GK5: variants seen among roughly 807,000 people sequenced by gnomAD.
GK5 encodes ATP:glycerol 3-phosphotransferase 5.
Under a neutral mutation model 77.3 loss-of-function variants are expected in GK5, and 39 were observed. That is an observed-to-expected ratio of 0.50 (90% confidence interval 0.39 to 0.66). The LOEUF (loss-of-function observed/expected upper bound fraction) is 0.66. Ranked by LOEUF, GK5 falls within the 30% of genes least tolerant of loss-of-function variation. The pLI is 0.00. For synonymous variants in GK5, 211 were observed against 208.0 expected, an observed-to-expected ratio of 1.01 and a Z score of -0.13; for missense variants, 487 against 633.8, an observed-to-expected ratio of 0.77 and a Z score of 2.49.
intron 11 of GK5, among the ~76,000 whole-genome samples, chr3:142,180,088 G>A (rs561021269): frequency 3.9e-5 from 6 of 152,120 alleles, no homozygotes; most frequent in South Asian, 4.2e-4. Context: ...CTATGGTAGC[G>A]GCAATGGCAG....
At position 142,185,056 on chromosome 3, in the gene GK5, G is replaced by T. The variant is rs1300405185; in HGVS notation, c.816+873C>A. On this transcript the variant is annotated intron_variant, in intron 9 of 15. Coordinates refer to ENST00000392993, the MANE Select transcript of GK5 (RefSeq NM_001039547.3). ...GTGGAGACTGCACATCTTGCAACAG[G>T]TGGTCTCTACCTCCTGCTTAAGCTG... is the stretch of plus-strand genomic sequence containing the variant. 20 of 985,226 alleles carry T rather than the reference G, an allele frequency of 2.0e-5. No individual in the cohort carries two copies. The African/African-American group carries it at 3.0e-4, about 15-fold the overall frequency. 61.0% of individuals were successfully genotyped at this position (985,226 alleles called of 1,614,324 possible).
chr3:142,203,838 A>G (rs1162929632), intron 4 of GK5, among the ~76,000 whole-genome samples: 2 of 152,186 alleles, frequency 1.3e-5, no homozygotes, highest in Non-Finnish European at 2.9e-5. Context: ...AAAATACTGT[A>G]GGTCTGACAC....
chr3:142,187,811 A>C (rs1304470926), intron 5 of GK5, 32 bp from the exon 6 acceptor site: 1 of 1,536,860 alleles, frequency 6.5e-7, no homozygotes, highest in African/African-American at 1.4e-5. Flanking sequence ...AATCGATTCA[A>C]AAAGGCTAAA....
intron 4 of GK5, 75 bp from the exon 5 acceptor site, chr3:142,199,008 T>C: frequency 9.3e-7 from 1 of 1,075,898 alleles, no homozygotes; most frequent in Non-Finnish European, 1.3e-6. Context: ...TCTATATACA[T>C]GCAAACAAAC....
chr3:142,177,857 CTTTTTTT>C (rs370889965), intron 11 of GK5, among the ~76,000 whole-genome samples: 3 of 128,204 alleles, frequency 2.3e-5, no homozygotes, highest in South Asian at 2.6e-4. Flanking sequence ...CGTTTTTTTT[CTTTTTTT>C]TTTTTTTTTT....
intron 3 of GK5, among the ~76,000 whole-genome samples, 185 bp from the exon 4 acceptor site, chr3:142,204,973 G>GC (rs2064083217): frequency 6.6e-6 from 1 of 152,136 alleles, no homozygotes; most frequent in African/African-American, 2.4e-5. Flanking sequence ...ACAATTATGT[G>GC]ACATATAGTA....
intron 12 of GK5, among the ~76,000 whole-genome samples, chr3:142,174,676 T>C (rs997924479): frequency 3.3e-5 from 5 of 152,190 alleles, no homozygotes; most frequent in African/African-American, 9.7e-5. Context: ...AGGAAACTGC[T>C]TGAATCCACA....
At chr3:142,209,471 C>CAT (rs2064162025) in intron 3 of GK5, among the ~76,000 whole-genome samples, 1 of 152,118 alleles carries the variant, frequency 6.6e-6, no homozygotes, top group Non-Finnish European at 1.5e-5. Flanking sequence ...CAAGTAATAG[C>CAT]ATACATTCCA....
intron 5 of GK5, among the ~76,000 whole-genome samples, chr3:142,195,858 G>T (rs1309375910): frequency 6.6e-6 from 1 of 152,140 alleles, no homozygotes; most frequent in African/African-American, 2.4e-5. Context: ...CTATTCAATT[G>T]TCTATTTTCC....
intron 5 of GK5, among the ~76,000 whole-genome samples, chr3:142,198,465 T>C (rs1251269035): frequency 6.6e-6 from 1 of 151,092 alleles, no homozygotes; most frequent in Non-Finnish European, 1.5e-5. Context: ...ATACAAAAAA[T>C]TAGCCGGGCG....
At chr3:142,173,272 A>G in intron 12 of GK5, 1 of 397,032 alleles carries the variant, frequency 2.5e-6, no homozygotes, top group Middle Eastern at 3.7e-4. Context: ...ATCAGAAATA[A>G]TCCAGCCTAA....
At position 142,225,353 on chromosome 3, in the gene GK5, C is replaced by T. The variant is rs2064413302; in HGVS notation, c.103G>A (p.Val35Ile). The change falls in exon 1 of 16, where the codon GTC becomes ATC. Residue 35 changes from valine to isoleucine, a missense_variant. This residue lies in a region of GK5 where 97 missense variants were observed against 86.9 expected (regional missense o/e 1.12). Transcript: ENST00000392993. ...DVGSSVIRCH[V>I]YDRAARVCGS... ...CAGACCCGCGCCGCCCGGTCATAGA[C>T]GTGGCAGCGGATCACAGAACTGCCC... 4 of 1,574,654 alleles carry T rather than the reference C, an allele frequency of 2.5e-6. No individual in the cohort carries two copies. Among genetic ancestry groups the T allele is most frequent in the Non-Finnish European group, 3.4e-6 (4 of 1,161,440 alleles).
chr3:142,207,918 G>A (rs2064134295), intron 3 of GK5, among the ~76,000 whole-genome samples: 1 of 152,162 alleles, frequency 6.6e-6, no homozygotes, highest in Non-Finnish European at 1.5e-5. Context: ...TCATGAGCAT[G>A]TTACTTCTTT....
intron 1 of GK5, among the ~76,000 whole-genome samples, chr3:142,218,721 TC>T (rs2064306154): frequency 6.6e-6 from 1 of 152,060 alleles, no homozygotes; most frequent in Non-Finnish European, 1.5e-5. Context: ...AAAGTATAAT[TC>T]ATATAACAAA....
rs2063426586 is a variant in GK5, at chr3:142,161,622, A to G, written c.*4000T>C. 6.6e-6 allele frequency: 1 copy of G among 152,202 alleles called. No homozygotes were observed. The highest frequency in any genetic ancestry group is 2.4e-5 in the African/African-American group (1 of 41,462). 9.4% of individuals were successfully genotyped at this position (152,202 alleles called of 1,614,324 possible). On this transcript the variant is annotated 3_prime_UTR_variant, in exon 16 of 16. Coordinates refer to ENST00000392993, the MANE Select transcript of GK5 (RefSeq NM_001039547.3). ...AGAAGGCAGATTAAAGAGAATGATGATCTCCTTTGTTCAGAGATAAAAAGG... is the reference window on the plus strand; with the variant it reads ...AGAAGGCAGATTAAAGAGAATGATGGTCTCCTTTGTTCAGAGATAAAAAGG...
chr3:142,168,738 C>T (rs2063502270), intron 15 of GK5, among the ~76,000 whole-genome samples: 1 of 145,656 alleles, frequency 6.9e-6, no homozygotes, highest in African/African-American at 2.5e-5. Flanking sequence ...CCCCCCACCC[C>T]CGGTTAAAAT....
intron 5 of GK5, among the ~76,000 whole-genome samples, chr3:142,197,464 A>T (rs753826265): frequency 6.6e-6 from 1 of 152,222 alleles, no homozygotes; most frequent in African/African-American, 2.4e-5. Context: ...TTTACATGAT[A>T]TATCTTTTCC....
At chr3:142,209,593 A>G (rs1461843256) in intron 3 of GK5, among the ~76,000 whole-genome samples, 1 of 152,250 alleles carries the variant, frequency 6.6e-6, no homozygotes, top group Non-Finnish European at 1.5e-5. Context: ...AAACCCTTCT[A>G]ACACTTTACA....
chr3:142,203,938 C>T (rs1018510863), intron 4 of GK5, among the ~76,000 whole-genome samples: 1 of 152,154 alleles, frequency 6.6e-6, no homozygotes. Flanking sequence ...AACAGAAGAA[C>T]AGCTGACTTC....
Sources: gnomAD v4.1 joint callset for allele counts (sites outside exome capture counted in the v4.1 genomes callset) on GRCh38, gnomAD v4.1.1 for gene constraint, gnomAD v4.1.1 regional missense constraint, MANE v1.5 for transcripts, NCBI Gene and HGNC (gene_info 2026-07-23, HGNC 2026-07-21) for gene names.